The following NKAIN3 variants were observed in gnomAD, a reference collection of about 807,000 sequenced individuals.
NKAIN3 encodes the protein sodium/potassium transporting ATPase interacting 3.
NKAIN3 carries 25 observed loss-of-function variants against 30.2 expected under a neutral mutation model. The ratio of observed to expected loss-of-function variants is 0.83; its 90% CI spans 0.60 to 1.16. The LOEUF (loss-of-function observed/expected upper bound fraction) is 1.16, where lower values mean the gene tolerates loss of function less well. NKAIN3 is among the 50% of genes most tolerant of loss of function. The pLI, the probability that NKAIN3 is intolerant of heterozygous loss-of-function variation, is 0.00. For missense variants in NKAIN3, 225 were observed against 254.1 expected (o/e 0.89, Z 0.78); for synonymous variants, 91 against 89.6 (o/e 1.02, Z -0.09).
At chr8:62,630,510 T>TA (rs932753522) in intron 3 of NKAIN3, among the ~76,000 whole-genome samples, 4 of 152,000 alleles carry the variant, frequency 2.6e-5, no homozygotes, top group African/African-American at 7.2e-5. Flanking sequence ...ATCTGATCCT[T>TA]AAAAAAAGTG....
In NKAIN3 at chr8:62,767,877, T is replaced by TACATAATTCCC. The variant is rs1273184484; in HGVS notation, c.471+20756_471+20757insCCCACATAATT. Among the ~76,000 whole-genome samples the TACATAATTCCC allele has an allele frequency of 3.9e-5, 6 of 152,188 alleles. No homozygotes were observed. In the East Asian group the frequency reaches 1.2e-3, roughly 29 times the overall value. ...GTACAAAAAAGAAGATAAAATATCA[T>TACATAATTCCC]ACATAATTATTCTATATTGATTATA... On this transcript the variant is annotated intron_variant, in intron 4 of 6. Transcript: ENST00000623646.
At chr8:62,749,736 G>A (rs1219596177) in intron 4 of NKAIN3, among the ~76,000 whole-genome samples, 1 of 143,762 alleles carries the variant, frequency 7.0e-6, no homozygotes, top group African/African-American at 2.6e-5. Context: ...AGGCTGGAGC[G>A]TAATGGCGTG....
At chr8:62,740,949 G>C (rs368630380) in intron 3 of NKAIN3, among the ~76,000 whole-genome samples, 1 of 150,734 alleles carries the variant, frequency 6.6e-6, no homozygotes, top group South Asian at 2.1e-4. Context: ...TGGTTATCAG[G>C]TGCTTTTTCT....
intron 1 of NKAIN3, among the ~76,000 whole-genome samples, chr8:62,415,818 C>A (rs890640648): frequency 1.3e-5 from 2 of 151,648 alleles, no homozygotes; most frequent in African/African-American, 4.8e-5. Context: ...AGTGCAGTGG[C>A]GCGATCTCGG....
At chr8:62,857,049 G>T (rs62510783) in intron 4 of NKAIN3, 1 of 499,994 alleles carries the variant, frequency 2.0e-6, no homozygotes, top group South Asian at 1.6e-5. Context: ...CTTCTTCATC[G>T]GCCTCAGTTT....
chr8:62,469,128 G>A (rs1227083257), intron 1 of NKAIN3, among the ~76,000 whole-genome samples: 4 of 151,994 alleles, frequency 2.6e-5, no homozygotes, highest in East Asian at 3.9e-4. Context: ...TCACACCTCC[G>A]AGCCTAGAAC....
intron 4 of NKAIN3, among the ~76,000 whole-genome samples, chr8:62,822,318 T>A (rs1198189336): frequency 6.6e-6 from 1 of 152,102 alleles, no homozygotes; most frequent in Non-Finnish European, 1.5e-5. Flanking sequence ...AATACAAAAA[T>A]TGAAAGCAGT....
intron 3 of NKAIN3, among the ~76,000 whole-genome samples, chr8:62,694,828 C>G (rs560355879): frequency 8.5e-5 from 13 of 152,308 alleles, no homozygotes; most frequent in Non-Finnish European, 1.6e-4. Context: ...AATTACACAG[C>G]TTTCCCCAGA....
intron 1 of NKAIN3, among the ~76,000 whole-genome samples, chr8:62,409,009 T>C (rs1804159102): frequency 6.6e-6 from 1 of 152,200 alleles, no homozygotes; most frequent in Non-Finnish European, 1.5e-5. Context: ...TGAAGAATTA[T>C]TACTCTCTGC....
At chr8:62,260,188 T>G (rs1469496748) in intron 1 of NKAIN3, among the ~76,000 whole-genome samples, 1 of 152,082 alleles carries the variant, frequency 6.6e-6, no homozygotes, top group African/African-American at 2.4e-5. Context: ...GACACAGTAA[T>G]AATTTGGTAT....
chr8:62,310,524 C>A (rs900721024), intron 1 of NKAIN3, among the ~76,000 whole-genome samples: 3 of 150,426 alleles, frequency 2.0e-5, no homozygotes, highest in Non-Finnish European at 4.4e-5. Context: ...ATGTTCCTAC[C>A]CTACAGTTGC....
chr8:62,751,557 CCTT>C (rs1404289118), intron 4 of NKAIN3, among the ~76,000 whole-genome samples: 3 of 152,020 alleles, frequency 2.0e-5, no homozygotes, highest in Non-Finnish European at 2.9e-5. Context: ...TCTTCTGAGC[CCTT>C]CTTTTTATTC....
intron 1 of NKAIN3, among the ~76,000 whole-genome samples, chr8:62,417,298 G>C (rs1804477982): frequency 6.6e-6 from 1 of 152,086 alleles, no homozygotes. Context: ...GCAGATAACA[G>C]GATTTCATTC....
chr8:62,566,938 G>A (rs1004598468), intron 1 of NKAIN3, among the ~76,000 whole-genome samples: 4 of 151,940 alleles, frequency 2.6e-5, no homozygotes, highest in African/African-American at 9.7e-5. Context: ...CTCAAATGGG[G>A]CATTAGTAGT....
intron 1 of NKAIN3, among the ~76,000 whole-genome samples, chr8:62,254,020 G>T (rs770773045): frequency 6.6e-6 from 1 of 152,090 alleles, no homozygotes; most frequent in Non-Finnish European, 1.5e-5. Flanking sequence ...GAAACTTAAA[G>T]GTTAGTGAAA....
At position 62,775,788 on chromosome 8, in the gene NKAIN3, G is replaced by A. The variant is rs181595107; in HGVS notation, c.471+28659G>A. On this transcript the variant is annotated intron_variant, in intron 4 of 6. Coordinates refer to ENST00000623646, the MANE Select transcript of NKAIN3 (RefSeq NM_001304533.3). ...CTGCAGCCATTGGATGAAGTGTTCT[G>A]CAAATATCTATTAGGCCCATTTGAT... Among the ~76,000 whole-genome samples, 623 of 152,070 alleles carry A rather than the reference G, an allele frequency of 4.1e-3. 1 individual carries two copies. The highest frequency in any genetic ancestry group is 8.7e-3 in the Admixed American group (133 of 15,272).
intron 4 of NKAIN3, among the ~76,000 whole-genome samples, chr8:62,775,955 C>G (rs900815891): frequency 6.6e-6 from 1 of 151,862 alleles, no homozygotes; most frequent in African/African-American, 2.4e-5. Context: ...ATTTATTTAT[C>G]TGGGTACACA....
chr8:62,858,166 G>A (rs1820120186), intron 4 of NKAIN3, among the ~76,000 whole-genome samples: 1 of 152,032 alleles, frequency 6.6e-6, no homozygotes, highest in Admixed American at 6.6e-5. Flanking sequence ...CGTTTTTCCT[G>A]TACCTGGAGG....
intron 1 of NKAIN3, among the ~76,000 whole-genome samples, chr8:62,249,943 T>G (rs929932849): frequency 5.3e-5 from 8 of 152,226 alleles, no homozygotes; most frequent in African/African-American, 1.9e-4. Context: ...GTCTATTCCA[T>G]GGTCACTTGA....
Sources: gnomAD v4.1 joint callset for allele counts (sites outside exome capture counted in the v4.1 genomes callset) on GRCh38, gnomAD v4.1.1 for gene constraint, MANE v1.5 for transcripts, NCBI Gene and HGNC (gene_info 2026-07-23, HGNC 2026-07-21) for gene names.